CCL1: variants seen among roughly 807,000 people sequenced by gnomAD.
CCL1 encodes the protein C-C motif chemokine ligand 1.
Under a neutral mutation model 7.5 loss-of-function variants are expected in CCL1, and 9 were observed. The ratio of observed to expected loss-of-function variants is 1.20; its 90% CI spans 0.72 to 2.09. The LOEUF (loss-of-function observed/expected upper bound fraction) is 2.09, where lower values mean the gene tolerates loss of function less well. Ranked by LOEUF, CCL1 falls within the 30% of genes most tolerant of loss-of-function variation. The pLI, the probability that CCL1 is intolerant of heterozygous loss-of-function variation, is 0.00. For synonymous variants in CCL1, 48 were observed against 44.7 expected, an observed-to-expected ratio of 1.07 and a Z score of -0.30; for missense variants, 110 against 113.7, an observed-to-expected ratio of 0.97 and a Z score of 0.15.
At chr17:34,361,706 T>C in intron 2 of CCL1, 79 bp downstream of exon 2, 6 of 948,326 alleles carry the variant, frequency 6.3e-6, no homozygotes, top group South Asian at 1.4e-5. Flanking sequence ...TAAAATACTG[T>C]CATCTAGTGT....
rs140845147 is a variant in CCL1, at chr17:34,360,428, T to C, written c.*131A>G. ...TTTAAATGTTTAAAGTGCAACAACA[T>C]AGCTTATCAAGACCAAGCAGATCCT... is the stretch of plus-strand genomic sequence containing the variant. On this transcript the variant is annotated 3_prime_UTR_variant, in exon 3 of 3. Coordinates refer to ENST00000225842, the MANE Select transcript of CCL1 (RefSeq NM_002981.2). The C allele has an allele frequency of 4.2e-6, 3 of 713,360 alleles. No individual in the cohort carries two copies. Among genetic ancestry groups the C allele is most frequent in the Non-Finnish European group, 5.0e-6 (2 of 396,616 alleles). The allele number at this position is 713,360 out of a possible 1,614,324, so 44.2% of individuals were successfully genotyped here. A position where few individuals can be genotyped will look rare whatever the true frequency, so the allele number is the denominator to read the frequency against.
At chr17:34,362,008 G>A in intron 1 of CCL1, 112 bp from the exon 2 acceptor site, 1 of 660,242 alleles carries the variant, frequency 1.5e-6, no homozygotes, top group Non-Finnish European at 2.7e-6. Flanking sequence ...CCTGGCTTGG[G>A]GACCACATCC....
rs1008520000 is a variant in CCL1, at chr17:34,362,996, G to A, written c.76+90C>T. The A allele has an allele frequency of 3.1e-5, 38 of 1,207,080 alleles. No homozygotes were observed. The Admixed American group carries it at 4.8e-4, about 15-fold the overall frequency. 74.8% of individuals were successfully genotyped at this position (1,207,080 alleles called of 1,614,324 possible). A position where few individuals can be genotyped will look rare whatever the true frequency, so the allele number is the denominator to read the frequency against. On this transcript the variant is annotated intron_variant, in intron 1 of 2. Coordinates refer to ENST00000225842, the MANE Select transcript of CCL1 (RefSeq NM_002981.2). The stretch of plus-strand genomic sequence containing the variant: ...GGAAGAGGGGAGATAGAGTTGGTGA[G>A]TTCAAGGAGAAGCCTGCTCCAACCC...
chr17:34,361,036 CAT>C (rs1367898832), intron 2 of CCL1, among the ~76,000 whole-genome samples: 2 of 151,038 alleles, frequency 1.3e-5, no homozygotes, highest in Admixed American at 6.6e-5. Flanking sequence ...GCGTTGGACT[CAT>C]GTGTTTGTGT....
chr17:34,361,823 GT>G lies in CCL1; in HGVS notation c.149del (p.Tyr50SerfsTer13). The G allele has an allele frequency of 6.2e-7, 1 of 1,613,416 alleles. No individual in the cohort carries two copies. The highest frequency in any genetic ancestry group is 1.1e-5 in the South Asian group (1 of 91,060). On this transcript the variant is annotated frameshift_variant, in exon 2 of 3. Transcript: ENST00000225842. LOFTEE classifies it low-confidence loss of function (END_TRUNC). ...QEIPLRAILC[Y>X]RNTSSICSNE... The stretch of plus-strand genomic sequence containing the variant: ...TGGAGCAGATGGAGCTGGTATTTCT[GT>G]AACACAGGATTGCCCTCAGGGGAAT...
rs1314326258 is a variant in CCL1, at chr17:34,363,162, G to A, written c.-1C>T. The A allele has an allele frequency of 2.5e-6, 4 of 1,613,618 alleles. No individual in the cohort carries two copies. Among genetic ancestry groups the A allele is most frequent in the Non-Finnish European group, 3.4e-6 (4 of 1,180,006 alleles). The stretch of plus-strand genomic sequence containing the variant: ...CCAGGGCTGTGGTGATGATCTGCAT[G>A]TCTTCTGGTCTGGCTTGGGCCTTCC... On this transcript the variant is annotated 5_prime_UTR_variant, in exon 1 of 3. Transcript: ENST00000225842.
chr17:34,361,905 G>A lies in CCL1; in HGVS notation c.77-9C>T, dbSNP rs961989607. 12 of 1,559,080 alleles carry A rather than the reference G, an allele frequency of 7.7e-6. No individual in the cohort carries two copies. The highest frequency in any genetic ancestry group is 1.1e-5 in the Non-Finnish European group (12 of 1,131,258). On this transcript the variant is annotated splice_polypyrimidine_tract_variant and intron_variant, in intron 1 of 2. Transcript: ENST00000225842. ...GGAGAAGGGTACCTGCACTAGAAGA[G>A]GAACACAGACGATGGTTTGCATCCA... is the stretch of plus-strand genomic sequence containing the variant.
Position 34,361,770 on chromosome 17 carries a change from C to G in CCL1, c.188+15G>C. The G allele has an allele frequency of 6.7e-7, 1 of 1,500,032 alleles. No individual in the cohort carries two copies. The allele number at this position is 1,500,032 out of a possible 1,614,324, so 92.9% of individuals were successfully genotyped here. ...TTCTGTTCTCTAGGGAGAGATTGAGCAGGTGATCACTTACATTAAGCCCTC... is the reference window on the plus strand; with the variant it reads ...TTCTGTTCTCTAGGGAGAGATTGAGGAGGTGATCACTTACATTAAGCCCTC... On this transcript the variant is annotated intron_variant, in intron 2 of 2. Coordinates refer to ENST00000225842, the MANE Select transcript of CCL1 (RefSeq NM_002981.2).
Position 34,363,113 on chromosome 17 carries a change from A to G in CCL1, c.49T>C (p.Trp17Arg), listed in dbSNP as rs1424673767. The G allele has an allele frequency of 1.2e-6, 2 of 1,613,538 alleles. No individual in the cohort carries two copies. Among genetic ancestry groups the G allele is most frequent in the Admixed American group, 1.7e-5 (1 of 60,020 alleles). The change falls in exon 1 of 3, where the codon TGG becomes CGG. Residue 17 changes from tryptophan (W) to arginine (R), a missense_variant. Transcript: ENST00000225842. ...ALVCLLLAGM[W>R]PEDVDSKSMQ... ...CTCTTGCTGTCCACATCTTCCGGCC[A>G]CATCCCAGCTAGCAGCAAGCACACC...
chr17:34,361,625 G>A (rs778380989), intron 2 of CCL1, among the ~76,000 whole-genome samples, 160 bp downstream of exon 2: 3 of 152,220 alleles, frequency 2.0e-5, no homozygotes, highest in South Asian at 2.1e-4. Context: ...GAAGCTCAGC[G>A]CTCCCTCTAG....
intron 1 of CCL1, 85 bp downstream of exon 1, chr17:34,363,001 A>T: frequency 7.9e-7 from 1 of 1,266,530 alleles, no homozygotes; most frequent in Non-Finnish European, 1.1e-6. Flanking sequence ...GGTGAGTTCA[A>T]GGAGAAGCCT....
rs1250728763 is a variant in CCL1 at position 34,360,398 on chromosome 17, T to A, written c.*161A>T. 3 of 605,422 alleles carry A rather than the reference T, an allele frequency of 5.0e-6. No homozygotes were observed. Among genetic ancestry groups the A allele is most frequent in the Non-Finnish European group, 8.9e-6 (3 of 336,604 alleles). 37.5% of individuals were successfully genotyped at this position (605,422 alleles called of 1,614,324 possible). ...CCAGAGGGTTGGGGGTTGATGATTGTATAATTTAAATGTTTAAAGTGCAAC... is the reference window on the plus strand; with the variant it reads ...CCAGAGGGTTGGGGGTTGATGATTGAATAATTTAAATGTTTAAAGTGCAAC... On this transcript the variant is annotated 3_prime_UTR_variant, in exon 3 of 3. Transcript: ENST00000225842.
In CCL1 at chr17:34,361,859, C is replaced by T. The variant is rs533149708; in HGVS notation, c.114G>A (p.Ala38=). Residue 38 remains alanine (A), a synonymous_variant, in exon 2 of 3, where the codon GCG becomes GCA. Transcript: ENST00000225842. ...VPFSRCCFSF[A]EQEIPLRAIL... The stretch of plus-strand genomic sequence containing the variant: ...TTGCCCTCAGGGGAATCTCTTGCTC[C>T]GCAAATGAGAAGCAACATCTGGAGA... The T allele has an allele frequency of 2.5e-5, 40 of 1,612,588 alleles. No homozygotes were observed. The highest frequency in any genetic ancestry group is 5.5e-5 in the South Asian group (5 of 91,038).
chr17:34,362,438 T>C (rs979303691), intron 1 of CCL1, among the ~76,000 whole-genome samples: 1 of 152,108 alleles, frequency 6.6e-6, no homozygotes, highest in Non-Finnish European at 1.5e-5. Context: ...CTCAGTCTCT[T>C]GAATCCCCTC....
rs759138776 is a variant in CCL1 at position 34,363,066 on chromosome 17, A to G, written c.76+20T>C. 4 of 1,610,000 alleles carry G rather than the reference A, an allele frequency of 2.5e-6. No individual in the cohort carries two copies. The highest frequency in any genetic ancestry group is 3.4e-6 in the Non-Finnish European group (4 of 1,179,700). On this transcript the variant is annotated intron_variant, in intron 1 of 2. Transcript: ENST00000225842. The stretch of plus-strand genomic sequence containing the variant: ...TCTGCCCTCCCCAGAGAGAAGCAAA[A>G]TGATGCCTGCCACACTCACTGCTCT...
chr17:34,360,414 A>G lies in CCL1; in HGVS notation c.*145T>C, dbSNP rs2141950142. The stretch of plus-strand genomic sequence containing the variant: ...TGATGATTGTATAATTTAAATGTTT[A>G]AAGTGCAACAACATAGCTTATCAAG... On this transcript the variant is annotated 3_prime_UTR_variant, in exon 3 of 3. Coordinates refer to ENST00000225842, the MANE Select transcript of CCL1 (RefSeq NM_002981.2). 2 of 650,816 alleles carry G rather than the reference A, an allele frequency of 3.1e-6. No homozygotes were observed. The highest frequency in any genetic ancestry group is 5.5e-6 in the Non-Finnish European group (2 of 362,228). 40.3% of individuals were successfully genotyped at this position (650,816 alleles called of 1,614,324 possible).
intron 1 of CCL1, 67 bp from the exon 2 acceptor site, chr17:34,361,963 A>G: frequency 1.8e-6 from 2 of 1,142,350 alleles, no homozygotes; most frequent in Non-Finnish European, 2.6e-6. Flanking sequence ...CACAATTTTT[A>G]AAAAACAAAC....
At chr17:34,362,041 C>A (rs1043778317) in intron 1 of CCL1, 145 bp from the exon 2 acceptor site, 4 of 557,334 alleles carry the variant, frequency 7.2e-6, no homozygotes, top group Non-Finnish European at 1.3e-5. Context: ...CATAGCTCTG[C>A]CTCATCAGCC....
chr17:34,363,122 C>T lies in CCL1; in HGVS notation c.40G>A (p.Ala14Thr), dbSNP rs1910550966. The change falls in exon 1 of 3, where the codon GCT (alanine) becomes ACT (threonine). Residue 14 changes from alanine to threonine, a missense_variant. Transcript: ENST00000225842. ...TCCACATCTTCCGGCCACATCCCAG[C>T]TAGCAGCAAGCACACCAGGGCTGTG... The part of the protein sequence containing the change: ...ITTALVCLLL[A>T]GMWPEDVDSK... 1.2e-6 allele frequency: 2 copies of T among 1,613,566 alleles called. No individual in the cohort carries two copies. Among genetic ancestry groups the T allele is most frequent in the South Asian group, 1.1e-5 (1 of 91,086 alleles).
Sources: allele counts gnomAD v4.1 joint callset (sites outside exome capture counted in the v4.1 genomes callset), GRCh38; gene constraint gnomAD v4.1.1; transcripts MANE v1.5; gene names NCBI Gene and HGNC (gene_info 2026-07-23, HGNC 2026-07-21).